SCAI: variants seen among roughly 807,000 people sequenced by gnomAD.
SCAI encodes the protein protein SCAI.
SCAI carries 24 observed loss-of-function variants against 92.2 expected under a neutral mutation model. That is an observed-to-expected ratio of 0.26 (90% CI 0.19 to 0.37). The LOEUF is 0.37. Among genes scored for constraint, SCAI ranks in the 10% least tolerant of loss-of-function variants. SCAI has a pLI of 1.00. For missense variants in SCAI, 450 were observed against 736.2 expected (o/e 0.61, Z 4.50); for synonymous variants, 261 against 258.6 (o/e 1.01, Z -0.09).
chr9:124,968,226 C>T, intron 17 of SCAI: 2 of 947,964 alleles, frequency 2.1e-6, no homozygotes, highest in Non-Finnish European at 3.2e-6. Context: ...AAAAACAGAC[C>T]TCAGCTGCAT....
intron 3 of SCAI, among the ~76,000 whole-genome samples, chr9:125,046,876 A>C (rs1004764891): frequency 5.9e-5 from 9 of 151,920 alleles, no homozygotes; most frequent in African/African-American, 9.7e-5. Context: ...AGAATATATT[A>C]TATTATAATA....
At chr9:125,138,413 G>C (rs967004502) in intron 2 of SCAI, among the ~76,000 whole-genome samples, 2 of 151,190 alleles carry the variant, frequency 1.3e-5, no homozygotes, top group African/African-American at 4.9e-5. Context: ...GCGCTACCAC[G>C]CCCAGCCAAT....
intron 2 of SCAI, among the ~76,000 whole-genome samples, chr9:125,125,875 C>T (rs1835255573): frequency 6.7e-6 from 1 of 149,426 alleles, no homozygotes; most frequent in Admixed American, 6.7e-5. Context: ...AACACACACA[C>T]ATATTCTCTC....
At chr9:125,009,508 C>T (rs1278189924) in intron 9 of SCAI, among the ~76,000 whole-genome samples, 9 of 152,082 alleles carry the variant, frequency 5.9e-5, no homozygotes, top group East Asian at 3.9e-4. Flanking sequence ...GACCCTCAGG[C>T]GATCTGCCCC....
intron 12 of SCAI, 135 bp from the exon 13 acceptor site, chr9:125,000,125 T>G (rs1428515736): frequency 4.3e-6 from 2 of 462,252 alleles, no homozygotes; most frequent in South Asian, 1.0e-4. Context: ...ATTTTAAAAT[T>G]TAACATTTTA....
chr9:124,994,830 A>C, intron 14 of SCAI, 104 bp downstream of exon 14: 1 of 659,380 alleles, frequency 1.5e-6, no homozygotes, highest in Non-Finnish European at 2.6e-6. Context: ...AAACTGTGTA[A>C]AATTAAATAA....
chr9:125,136,827 G>A (rs988106819), intron 2 of SCAI, among the ~76,000 whole-genome samples: 3 of 147,796 alleles, frequency 2.0e-5, no homozygotes, highest in South Asian at 2.1e-4. Flanking sequence ...AGAGTGCAGC[G>A]ATCTCGGCTC....
At position 124,998,565 on chromosome 9, in the gene SCAI, T is replaced by G. The variant is rs13285682; in HGVS notation, c.1244+1326A>C. ...AAATTACAGCTAGATAGAAGGAATA[T>G]GTTCTAGTGTTCTATACCACTGTAG... On this transcript the variant is annotated intron_variant, in intron 13 of 17. Coordinates refer to ENST00000336505, the MANE Select transcript of SCAI (RefSeq NM_001144877.3). 5.3e-5 allele frequency among the ~76,000 whole-genome samples: 8 copies of G among 152,234 alleles called. No individual in the cohort carries two copies. In the South Asian group the frequency reaches 1.7e-3, roughly 32 times the overall value.
chr9:125,006,231 A>G (rs1442532187), intron 9 of SCAI, among the ~76,000 whole-genome samples: 2 of 152,164 alleles, frequency 1.3e-5, no homozygotes, highest in Admixed American at 6.5e-5. Flanking sequence ...ATAACATGCA[A>G]AAGTCTAGGT....
At chr9:124,967,175 T>C (rs1831558655) in intron 17 of SCAI, among the ~76,000 whole-genome samples, 1 of 152,184 alleles carries the variant, frequency 6.6e-6, no homozygotes, top group Non-Finnish European at 1.5e-5. Context: ...AAAGGACGGC[T>C]GTAATTTTAA....
At chr9:124,965,194 TGAGTTTGCTTTTTCTCAA>T (rs1334539148) in intron 17 of SCAI, among the ~76,000 whole-genome samples, 1 of 152,190 alleles carries the variant, frequency 6.6e-6, no homozygotes, top group Non-Finnish European at 1.5e-5. Context: ...TGTTATATAA[TGAGTTTGCTTTTTCTCAA>T]ATCATAATAT....
At chr9:124,977,187 A>G (rs1317115773) in intron 14 of SCAI, among the ~76,000 whole-genome samples, 1 of 152,218 alleles carries the variant, frequency 6.6e-6, no homozygotes, top group Non-Finnish European at 1.5e-5. Flanking sequence ...CTATGTTCTT[A>G]GAGATAAAAC....
intron 3 of SCAI, among the ~76,000 whole-genome samples, chr9:125,055,628 T>A (rs938850150): frequency 2.6e-5 from 4 of 152,358 alleles, no homozygotes; most frequent in Non-Finnish European, 1.5e-5. Context: ...GTGTGAGTTA[T>A]GTATACAAAA....
intron 2 of SCAI, among the ~76,000 whole-genome samples, chr9:125,121,373 A>C (rs1835152667): frequency 6.6e-6 from 1 of 151,010 alleles, no homozygotes; most frequent in Non-Finnish European, 1.5e-5. Context: ...AGTGACTAGA[A>C]ACCTGCCAAA....
chr9:125,078,292 C>T (rs1020817420), intron 2 of SCAI, among the ~76,000 whole-genome samples: 1 of 152,006 alleles, frequency 6.6e-6, no homozygotes, highest in African/African-American at 2.4e-5. Context: ...TTTGGAAGGC[C>T]GAGGTAAGCG....
intron 13 of SCAI, among the ~76,000 whole-genome samples, chr9:124,998,507 G>A (rs941537226): frequency 2.0e-5 from 3 of 152,086 alleles, no homozygotes; most frequent in Non-Finnish European, 4.4e-5. Context: ...AACGGGGAAC[G>A]GAGGTATAGG....
intron 6 of SCAI, among the ~76,000 whole-genome samples, chr9:125,024,140 CT>C (rs1398444915): frequency 1.3e-5 from 2 of 152,000 alleles, no homozygotes; most frequent in Non-Finnish European, 2.9e-5. Flanking sequence ...TTATTATTCA[CT>C]TTCCCCCTAC....
At chr9:125,002,819 TA>T (rs1832390403) in intron 11 of SCAI, among the ~76,000 whole-genome samples, 1 of 150,314 alleles carries the variant, frequency 6.7e-6, no homozygotes, top group East Asian at 1.9e-4. Flanking sequence ...CATTGAGTAA[TA>T]AAAAACTGGA....
At chr9:125,026,978 C>A in intron 5 of SCAI, 68 bp from the exon 6 acceptor site, 9 of 846,714 alleles carry the variant, frequency 1.1e-5, no homozygotes, top group South Asian at 1.7e-5. Flanking sequence ...AATACTTGTT[C>A]TATATACCGC....
Sources: allele counts gnomAD v4.1 joint callset (sites outside exome capture counted in the v4.1 genomes callset), GRCh38; gene constraint gnomAD v4.1.1; transcripts MANE v1.5; gene names NCBI Gene and HGNC (gene_info 2026-07-23, HGNC 2026-07-21).